Variants in UNC13A observed in about 807,000 individuals in gnomAD.
UNC13A encodes the protein unc-13 homolog A.
UNC13A carries 61 observed loss-of-function variants against 219.7 expected under a neutral mutation model. The ratio of observed to expected loss-of-function variants is 0.28; its 90% CI spans 0.23 to 0.34. UNC13A has a LOEUF of 0.34. Ranked by LOEUF, UNC13A falls within the 10% of genes least tolerant of loss-of-function variation. UNC13A has a pLI of 1.00. For missense variants in UNC13A, 1,476 were observed against 2,270.3 expected, an observed-to-expected ratio of 0.65 and a Z score of 7.11; for synonymous variants, 920 against 884.6, an observed-to-expected ratio of 1.04 and a Z score of -0.71.
chr19:17,647,837 C>G (rs1472054817), intron 16 of UNC13A, among the ~76,000 whole-genome samples: 1 of 136,424 alleles, frequency 7.3e-6, no homozygotes, highest in African/African-American at 2.7e-5. Flanking sequence ...TCTGAATCTC[C>G]GCCCCCTCTC....
intron 30 of UNC13A, 29 bp from the exon 31 acceptor site, chr19:17,629,352 G>A: frequency 6.3e-7 from 1 of 1,590,698 alleles, no homozygotes. Context: ...GTGGGTGAGA[G>A]GAGAGGCTGG....
intron 36 of UNC13A, 91 bp from the exon 37 acceptor site, chr19:17,621,961 G>A: frequency 7.8e-7 from 1 of 1,288,232 alleles, no homozygotes; most frequent in Non-Finnish European, 1.1e-6. Context: ...GGGGATGGGG[G>A]AATCCACACT....
At chr19:17,672,602 C>G in intron 3 of UNC13A, 107 bp from the exon 4 acceptor site, 1 of 824,070 alleles carries the variant, frequency 1.2e-6, no homozygotes, top group Non-Finnish European at 1.9e-6. Flanking sequence ...CAATTCAAAC[C>G]TAGGCCTGGG....
intron 8 of UNC13A, among the ~76,000 whole-genome samples, chr19:17,660,009 T>C (rs1406033902): frequency 6.6e-6 from 1 of 151,934 alleles, no homozygotes; most frequent in African/African-American, 2.4e-5. Flanking sequence ...GATCCTCGCA[T>C]CTCAGCCTCC....
At position 17,646,089 on chromosome 19, in the gene UNC13A, C is replaced by T. The variant is rs374672664; in HGVS notation, c.2067G>A (p.Gln689=). 7.4e-4 allele frequency: 1,193 copies of T among 1,613,892 alleles called. 2 individuals are homozygous for T. Among genetic ancestry groups the T allele is most frequent in the Middle Eastern group, 4.0e-3 (24 of 6,034 alleles). The part of the protein sequence containing the change: ...SITVVCAQGL[Q]AKDKTGSSDP... ...CACTGGATCCTGTCTTGTCCTTTGCCTGCAAGCCCTGGGCGCAGACCACTG... is the reference window on the plus strand; with the variant it reads ...CACTGGATCCTGTCTTGTCCTTTGCTTGCAAGCCCTGGGCGCAGACCACTG... Residue 689 remains glutamine (Q), a synonymous_variant, in exon 18 of 44, where the codon CAG becomes CAA. Coordinates refer to ENST00000519716, the MANE Select transcript of UNC13A (RefSeq NM_001080421.3).
rs560546462 is a variant in UNC13A, at chr19:17,621,727, C to G, written c.4242+105G>C. The G allele has an allele frequency of 9.0e-6, 11 of 1,216,600 alleles. No individual in the cohort carries two copies. The East Asian group carries it at 2.3e-4, about 26-fold the overall frequency. 75.4% of individuals were successfully genotyped at this position (1,216,600 alleles called of 1,614,324 possible). The stretch of plus-strand genomic sequence containing the variant: ...GGTTAGGAGAGCTATCTCCTACCCA[C>G]GACCCCCAGCTGCCCTTCCTGCCCA... On this transcript the variant is annotated intron_variant, in intron 37 of 43. Coordinates refer to ENST00000519716, the MANE Select transcript of UNC13A (RefSeq NM_001080421.3).
At position 17,672,473 on chromosome 19, in the gene UNC13A, C is replaced by T. The variant is rs2079808423; in HGVS notation, c.175G>A (p.Gly59Arg). Residue 59 changes from glycine (G) to arginine (R), a missense_variant, in exon 4 of 44, where the codon GGA becomes AGA. By Grantham distance (125) the Gly-to-Arg change is moderately radical. Transcript: ENST00000519716. ...FMFEINRLDL[G>R]LTVEVWNKGL... ...TTATTCCACACCTCCACCGTCAGTC[C>T]CAAATCCAGACGGTTAATCTCGCTG... 1 of 1,613,652 alleles carries T rather than the reference C, an allele frequency of 6.2e-7. No homozygotes were observed.
chr19:17,648,130 T>G (rs545196566), intron 16 of UNC13A, among the ~76,000 whole-genome samples: 1 of 150,092 alleles, frequency 6.7e-6, no homozygotes. Flanking sequence ...AGCTGCCTCT[T>G]CTCACTAAGC....
chr19:17,642,801 G>A (rs1323327810), intron 20 of UNC13A, 44 bp downstream of exon 20: 2 of 1,507,142 alleles, frequency 1.3e-6, no homozygotes, highest in Non-Finnish European at 1.8e-6. Flanking sequence ...AGGCAGGAAT[G>A]GTGAGTGGAA....
At chr19:17,606,952 G>C (rs1019645312) in intron 43 of UNC13A, among the ~76,000 whole-genome samples, 2 of 152,108 alleles carry the variant, frequency 1.3e-5, no homozygotes, top group African/African-American at 4.8e-5. Context: ...CCTGACGCCA[G>C]CTGGATAAGA....
chr19:17,611,792 C>T lies in UNC13A; in HGVS notation c.4622G>A (p.Gly1541Glu). The T allele has an allele frequency of 1.9e-6, 3 of 1,614,174 alleles. No homozygotes were observed. Among genetic ancestry groups the T allele is most frequent in the Non-Finnish European group, 2.5e-6 (3 of 1,179,996 alleles). The change falls in exon 42 of 44, where the codon GGA (glycine) becomes GAA (glutamate). Residue 1541 changes from glycine to glutamate, a missense_variant. Gly to Glu is a moderately conservative substitution (Grantham distance 98). This residue lies in a region of UNC13A where 77 missense variants were observed against 94.8 expected (regional missense o/e 0.81). Coordinates refer to ENST00000519716, the MANE Select transcript of UNC13A (RefSeq NM_001080421.3). ...SVHVELFTHP[G>E]TGEHKVTVKV... Reference sequence around the variant, plus strand: ...CACTGTGACCTTGTGTTCCCCAGTTCCTGGATGAGTGAACAGCTCAACATG... The same window carrying T: ...CACTGTGACCTTGTGTTCCCCAGTTTCTGGATGAGTGAACAGCTCAACATG...
intron 8 of UNC13A, among the ~76,000 whole-genome samples, chr19:17,661,567 AC>A (rs900435686): frequency 6.6e-5 from 10 of 151,754 alleles, no homozygotes; most frequent in Non-Finnish European, 1.3e-4. Flanking sequence ...AGTGGCGTGC[AC>A]CTGTAATCCC....
At chr19:17,612,805 A>G (rs1046737989) in intron 41 of UNC13A, among the ~76,000 whole-genome samples, 4 of 152,166 alleles carry the variant, frequency 2.6e-5, no homozygotes, top group African/African-American at 9.7e-5. Flanking sequence ...AGATCGCACC[A>G]CTGCACTTCA....
At chr19:17,617,627 A>C in intron 41 of UNC13A, 75 bp downstream of exon 41, 1 of 1,579,444 alleles carries the variant, frequency 6.3e-7, no homozygotes, top group Non-Finnish European at 8.7e-7. Context: ...GAGTGAGCCA[A>C]TGGCAGCCGT....
intron 1 of UNC13A, 22 bp downstream of exon 1, chr19:17,688,156 G>A: frequency 6.6e-7 from 1 of 1,526,640 alleles, no homozygotes; most frequent in Non-Finnish European, 8.8e-7. Context: ...CGGGTCCCCC[G>A]ACCCCCAGCC....
At chr19:17,662,267 C>A (rs73514348) in intron 8 of UNC13A, among the ~76,000 whole-genome samples, 2 of 151,540 alleles carry the variant, frequency 1.3e-5, no homozygotes, top group African/African-American at 4.9e-5. Context: ...AAGATTCTCA[C>A]GGGAGCGTGA....
rs530221644 is a variant in UNC13A at position 17,615,632 on chromosome 19, G to C, written c.4558+2070C>G. ...AGGCGGACGGAGGTTGCAGTGAGCT[G>C]AGATTTCCCCACTGCATTCCAGCCT... On this transcript the variant is annotated intron_variant, in intron 41 of 43. Transcript: ENST00000519716. 9.2e-5 allele frequency among the ~76,000 whole-genome samples: 14 copies of C among 152,186 alleles called. No homozygotes were observed. In the South Asian group the frequency reaches 2.9e-3, roughly 32 times the overall value.
chr19:17,625,175 T>A (rs1238693366), intron 34 of UNC13A, among the ~76,000 whole-genome samples: 1 of 152,048 alleles, frequency 6.6e-6, no homozygotes, highest in African/African-American at 2.4e-5. Flanking sequence ...GGGGCCCCAA[T>A]GTCTGGGAGG....
Position 17,642,842 on chromosome 19 carries a change from C to T in UNC13A, c.2472+3G>A, listed in dbSNP as rs2145048359. ...ATGGGAGGGGCCGAGCAATGACCCT[C>T]ACCTCATGCAGACAGGTGTACTGGA... is the stretch of plus-strand genomic sequence containing the variant. On this transcript the variant is annotated splice_donor_region_variant and intron_variant, in intron 20 of 43. Coordinates refer to ENST00000519716, the MANE Select transcript of UNC13A (RefSeq NM_001080421.3). 6.2e-7 allele frequency: 1 copy of T among 1,604,388 alleles called. No individual in the cohort carries two copies. Among genetic ancestry groups the T allele is most frequent in the Non-Finnish European group, 8.5e-7 (1 of 1,175,310 alleles).
Sources: gnomAD v4.1 joint callset for allele counts (sites outside exome capture counted in the v4.1 genomes callset) on GRCh38, gnomAD v4.1.1 for gene constraint, gnomAD v4.1.1 regional missense constraint, MANE v1.5 for transcripts, NCBI Gene and HGNC (gene_info 2026-07-23, HGNC 2026-07-21) for gene names.